Variants in PLEKHA7 observed in about 807,000 individuals in gnomAD.
PLEKHA7 encodes pleckstrin homology domain-containing family A member 7.
A neutral mutation model predicts 170.0 loss-of-function variants in PLEKHA7; 104 were observed. That is an observed-to-expected ratio of 0.61 (90% CI 0.52 to 0.72). PLEKHA7 has a LOEUF of 0.72. Ranked by LOEUF, PLEKHA7 falls within the 30% of genes least tolerant of loss-of-function variation. PLEKHA7 has a pLI of 0.00. For synonymous variants in PLEKHA7, 648 were observed against 660.8 expected (o/e 0.98, Z 0.30); for missense variants, 1,615 against 1,671.7 (o/e 0.97, Z 0.59).
intron 8 of PLEKHA7, among the ~76,000 whole-genome samples, chr11:16,845,341 G>GTGTTT (rs568123902): frequency 2.0e-4 from 30 of 152,220 alleles, no homozygotes; most frequent in Middle Eastern, 3.4e-3. Flanking sequence ...CTATTAAAGA[G>GTGTTT]TGTTTTGTTT....
At position 17,014,405 on chromosome 11, in the gene PLEKHA7, C is replaced by T; in HGVS notation, c.-4G>A. Reference sequence around the variant, plus strand: ...GCCCGACCGTCGCCGCCGCCATGTTCGCCGAGCGCGGAGCCGCCGCGGGGT... The same window carrying T: ...GCCCGACCGTCGCCGCCGCCATGTTTGCCGAGCGCGGAGCCGCCGCGGGGT... On this transcript the variant is annotated 5_prime_UTR_variant, in exon 1 of 27. Transcript: ENST00000531066. The T allele has an allele frequency of 7.5e-7, 1 of 1,329,426 alleles. No homozygotes were observed. The highest frequency in any genetic ancestry group is 3.0e-5 in the Admixed American group (1 of 33,332). The allele number at this position is 1,329,426 out of a possible 1,614,324, so 82.4% of individuals were successfully genotyped here.
chr11:17,014,306 C>A lies in PLEKHA7; in HGVS notation c.86+10G>T. The A allele has an allele frequency of 7.0e-7, 1 of 1,438,498 alleles. No individual in the cohort carries two copies. The highest frequency in any genetic ancestry group is 1.4e-5 in the South Asian group (1 of 69,350). 89.1% of individuals were successfully genotyped at this position (1,438,498 alleles called of 1,614,324 possible). Reference sequence around the variant, plus strand: ...CCGCGTCCCCGCGTCCCCGGGTCCTCGCGCCGCACTTGATGAAGAAGACGC... The same window carrying A: ...CCGCGTCCCCGCGTCCCCGGGTCCTAGCGCCGCACTTGATGAAGAAGACGC... On this transcript the variant is annotated intron_variant, in intron 1 of 26. Transcript: ENST00000531066.
chr11:16,848,571 T>C (rs1231796938), intron 8 of PLEKHA7, among the ~76,000 whole-genome samples: 2 of 152,250 alleles, frequency 1.3e-5, no homozygotes, highest in Admixed American at 6.5e-5. Context: ...TACTGCATAA[T>C]GGATCTGGTG....
At chr11:16,932,622 A>G (rs1396426292) in intron 3 of PLEKHA7, among the ~76,000 whole-genome samples, 1 of 152,240 alleles carries the variant, frequency 6.6e-6, no homozygotes, top group South Asian at 2.1e-4. Flanking sequence ...GCCTTCTACA[A>G]ATCATGACTA....
chr11:16,780,991 G>T, intron 26 of PLEKHA7: 2 of 986,196 alleles, frequency 2.0e-6, no homozygotes, highest in Non-Finnish European at 2.4e-6. Context: ...TAAAAGGGGG[G>T]TAAGGTGGCA....
At chr11:16,786,938 T>G in intron 23 of PLEKHA7, 1 of 985,352 alleles carries the variant, frequency 1.0e-6, no homozygotes, top group Non-Finnish European at 1.2e-6. Flanking sequence ...TTGGAGCCAA[T>G]GAGGCAGAAA....
chr11:16,808,143 A>G (rs976737206), intron 13 of PLEKHA7, among the ~76,000 whole-genome samples: 1 of 152,240 alleles, frequency 6.6e-6, no homozygotes, highest in African/African-American at 2.4e-5. Flanking sequence ...CCGCTACTTC[A>G]AAACCATGTT....
At chr11:16,999,004 T>A (rs1431505963) in intron 3 of PLEKHA7, among the ~76,000 whole-genome samples, 1 of 152,030 alleles carries the variant, frequency 6.6e-6, no homozygotes, top group Non-Finnish European at 1.5e-5. Context: ...TATCTGCAAT[T>A]TCAGGAGGGT....
At chr11:16,920,477 A>G (rs1477226239) in intron 3 of PLEKHA7, among the ~76,000 whole-genome samples, 1 of 152,218 alleles carries the variant, frequency 6.6e-6, no homozygotes, top group Non-Finnish European at 1.5e-5. Context: ...TTCAAAATCC[A>G]TCAAAATATG....
chr11:16,957,035 T>C (rs1018077955), intron 3 of PLEKHA7, among the ~76,000 whole-genome samples: 56 of 152,290 alleles, frequency 3.7e-4, no homozygotes, highest in African/African-American at 1.3e-3. Flanking sequence ...TGCTAAGGAA[T>C]TGTTCTGATG....
intron 3 of PLEKHA7, among the ~76,000 whole-genome samples, chr11:16,926,155 T>C (rs1859525594): frequency 6.6e-6 from 1 of 152,214 alleles, no homozygotes; most frequent in Admixed American, 6.5e-5. Context: ...CGGGAACGGA[T>C]TCTGACAAGC....
At chr11:16,879,814 G>A (rs901288116) in intron 3 of PLEKHA7, among the ~76,000 whole-genome samples, 4 of 152,186 alleles carry the variant, frequency 2.6e-5, no homozygotes, top group Non-Finnish European at 5.9e-5. Context: ...CATTTCATTA[G>A]GTTCTCTTAA....
At chr11:16,867,681 A>G (rs1444308169) in intron 4 of PLEKHA7, among the ~76,000 whole-genome samples, 1 of 152,046 alleles carries the variant, frequency 6.6e-6, no homozygotes, top group East Asian at 1.9e-4. Context: ...GGAGGAAGCA[A>G]TTTAGGTAAT....
intron 3 of PLEKHA7, among the ~76,000 whole-genome samples, chr11:16,919,795 A>G (rs1292086499): frequency 1.3e-5 from 2 of 152,256 alleles, no homozygotes; most frequent in Non-Finnish European, 2.9e-5. Context: ...AAGCAGGGAA[A>G]AAAAAGACAA....
chr11:16,895,410 G>A (rs1367753461), intron 3 of PLEKHA7, among the ~76,000 whole-genome samples: 5 of 152,298 alleles, frequency 3.3e-5, no homozygotes, highest in South Asian at 2.1e-4. Context: ...CCTCTTCAGA[G>A]CACTTCCTCC....
Position 16,807,057 on chromosome 11 carries a change from G to A in PLEKHA7, c.2008-3762C>T, listed in dbSNP as rs184692058. ...CGGGAAGCCTGGGGCGGTCAGGAGA[G>A]CAACTGGTTAAGCAAGTGATGAAGT... is the stretch of plus-strand genomic sequence containing the variant. On this transcript the variant is annotated intron_variant, in intron 13 of 26. Coordinates refer to ENST00000531066, the MANE Select transcript of PLEKHA7 (RefSeq NM_001329630.2). 2.1e-4 allele frequency: 121 copies of A among 580,338 alleles called. No individual in the cohort carries two copies. In the African/African-American group the frequency reaches 2.3e-3, roughly 11 times the overall value. 35.9% of individuals were successfully genotyped at this position (580,338 alleles called of 1,614,324 possible).
chr11:16,806,912 C>A lies in PLEKHA7; in HGVS notation c.2008-3617G>T, dbSNP rs545411707. Among the ~76,000 whole-genome samples the A allele has an allele frequency of 3.3e-5, 5 of 152,358 alleles. No individual in the cohort carries two copies. The South Asian group carries it at 8.3e-4, about 25-fold the overall frequency. ...TGGTGGCAAGCCAGGCAAGCTCCCC[C>A]ACCCTTGGCAGCACAAAACATGGAG... On this transcript the variant is annotated intron_variant, in intron 13 of 26. Coordinates refer to ENST00000531066, the MANE Select transcript of PLEKHA7 (RefSeq NM_001329630.2).
At chr11:16,801,856 A>G in intron 15 of PLEKHA7, 39 bp from the exon 16 acceptor site, 1 of 1,612,066 alleles carries the variant, frequency 6.2e-7, no homozygotes, top group Non-Finnish European at 8.5e-7. Context: ...GGATAGGAGG[A>G]CAGTCCCCAG....
At chr11:16,943,529 T>G (rs1860827956) in intron 3 of PLEKHA7, among the ~76,000 whole-genome samples, 3 of 152,238 alleles carry the variant, frequency 2.0e-5, no homozygotes, top group Non-Finnish European at 1.5e-5. Flanking sequence ...CACAGCCTCT[T>G]ACTCCTTATT....
Sources: allele counts gnomAD v4.1 joint callset (sites outside exome capture counted in the v4.1 genomes callset), GRCh38; gene constraint gnomAD v4.1.1; transcripts MANE v1.5; gene names NCBI Gene and HGNC (gene_info 2026-07-23, HGNC 2026-07-21).